Variants in ANO7 observed in about 807,000 individuals in gnomAD.
The protein encoded by ANO7 is anoctamin-7.
A neutral mutation model predicts 115.8 loss-of-function variants in ANO7; 114 were observed. That is an observed-to-expected ratio of 0.98 (90% CI 0.85 to 1.15). ANO7 has a LOEUF of 1.15. Among genes scored for constraint, ANO7 ranks in the 50% most tolerant of loss-of-function variants. ANO7 has a pLI of 0.00. For missense variants in ANO7, 1,302 were observed against 1,201.2 expected (o/e 1.08, Z -1.24); for synonymous variants, 550 against 498.2 (o/e 1.10, Z -1.38).
intron 4 of ANO7, 41 bp from the exon 5 acceptor site, chr2:241,199,275 C>T (rs1288664284): frequency 6.5e-7 from 1 of 1,530,410 alleles, no homozygotes; most frequent in Non-Finnish European, 9.1e-7. Flanking sequence ...TACGTGCACA[C>T]ATGCACCCTC....
the ANO7 span, among the ~76,000 whole-genome samples, chr2:241,238,986 C>A: frequency 6.6e-6 from 1 of 152,196 alleles, no homozygotes; most frequent in Non-Finnish European, 1.5e-5. The surrounding 1 kb of genome is among the most constrained non-coding windows in gnomAD (Gnocchi z 4.9). Context: ...TGGGCCTCCT[C>A]TGAAATGTGT....
In ANO7 at chr2:241,207,556, C is replaced by G; in HGVS notation, c.981-18C>G. 1 of 1,611,506 alleles carries G rather than the reference C, an allele frequency of 6.2e-7. No homozygotes were observed. Among genetic ancestry groups the G allele is most frequent in the Non-Finnish European group, 8.5e-7 (1 of 1,179,188 alleles). On this transcript the variant is annotated intron_variant, in intron 10 of 24. Coordinates refer to ENST00000674324, the MANE Select transcript of ANO7 (RefSeq NM_001370694.2). Reference sequence around the variant, plus strand: ...CCCTCCCCCATTAGCTCCCACCCCTCCGCTCCATGCCTTGCAGGCAGGAAC... The same window carrying G: ...CCCTCCCCCATTAGCTCCCACCCCTGCGCTCCATGCCTTGCAGGCAGGAAC...
chr2:241,240,107 T>G, the ANO7 span: 1 of 1,614,104 alleles, frequency 6.2e-7, no homozygotes, highest in African/African-American at 1.3e-5. This position sits in a 1 kb window ranked among gnomAD's most constrained non-coding sequence, Gnocchi z 5.5. Context: ...ATGTCAACAG[T>G]GAAACTCTTG....
intron 13 of ANO7, 28 bp downstream of exon 13, chr2:241,209,663 C>T (rs201571233): frequency 7.7e-4 from 1,163 of 1,512,182 alleles, no homozygotes; most frequent in Non-Finnish European, 9.5e-4. Flanking sequence ...CCTCCGCTCA[C>T]GCCTCCATCC....
intron 4 of ANO7, among the ~76,000 whole-genome samples, chr2:241,196,984 T>C (rs1282920357): frequency 1.3e-5 from 2 of 152,212 alleles, no homozygotes; most frequent in African/African-American, 4.8e-5. Flanking sequence ...ATTTCCACCA[T>C]CGGCAGTGGC....
intron 4 of ANO7, among the ~76,000 whole-genome samples, chr2:241,197,370 G>T (rs1434426556): frequency 2.0e-5 from 3 of 152,116 alleles, no homozygotes; most frequent in African/African-American, 7.2e-5. Context: ...AAAGCGCTGG[G>T]ATTACAGGCG....
chr2:241,223,289 CCTG>C lies in ANO7; in HGVS notation c.2412+17_2412+19del. On this transcript the variant is annotated intron_variant, in intron 22 of 24. Transcript: ENST00000674324. ...CATTGTGTTTGAGGTAGCCGAGGCACCTGCTGGTTCTCCCATCCATGGCATGAG... is the reference window on the plus strand; with the variant it reads ...CATTGTGTTTGAGGTAGCCGAGGCACCTGGTTCTCCCATCCATGGCATGAG... 1.9e-6 allele frequency: 3 copies of C among 1,614,138 alleles called. No homozygotes were observed. Among genetic ancestry groups the C allele is most frequent in the Non-Finnish European group, 2.5e-6 (3 of 1,179,934 alleles).
the ANO7 span, chr2:241,239,864 GC>G: frequency 1.2e-6 from 2 of 1,611,778 alleles, no homozygotes; most frequent in Admixed American, 3.3e-5. This position sits in a 1 kb window ranked among gnomAD's most constrained non-coding sequence, Gnocchi z 4.6. Flanking sequence ...CCCCATCACG[GC>G]CCCAGCAGAG....
intron 11 of ANO7, among the ~76,000 whole-genome samples, chr2:241,207,910 A>G (rs1259655841): frequency 6.6e-6 from 1 of 151,922 alleles, no homozygotes; most frequent in Admixed American, 6.6e-5. Flanking sequence ...ACTTGAGGAC[A>G]CCCCACACCA....
At chr2:241,195,311 C>T (rs1439480850) in intron 3 of ANO7, among the ~76,000 whole-genome samples, 1 of 152,166 alleles carries the variant, frequency 6.6e-6, no homozygotes, top group East Asian at 1.9e-4. Context: ...TCAGGGGCTT[C>T]GGAAACTTTC....
At chr2:241,226,875 CCCT>C (rs562042935), downstream of ANO7, among the ~76,000 whole-genome samples, 1 of 152,140 alleles carries the variant, frequency 6.6e-6, no homozygotes, top group South Asian at 2.1e-4. Flanking sequence ...CAACGCCCCT[CCCT>C]CCTCCTCCTC....
In ANO7 at chr2:241,216,137, A is replaced by G. The variant is rs777199514; in HGVS notation, c.1871A>G (p.Lys624Arg). The G allele has an allele frequency of 3.7e-6, 6 of 1,613,186 alleles. No homozygotes were observed. The Admixed American group carries it at 1.0e-4, about 27-fold the overall frequency. ...WWQKFRLRSK[K>R]RKAGASAGAS... is the part of the protein sequence containing the mutation. ...CAGAAGTTCCGGCTTCGCTCCAAGA[A>G]GAGGAAGGCGGGAGCTTCTGCAGGG... Residue 624 changes from lysine (K) to arginine (R), a missense_variant, in exon 19 of 25, where the codon AAG becomes AGG. Transcript: ENST00000674324.
chr2:241,214,337 C>T (rs2068775343), intron 17 of ANO7, among the ~76,000 whole-genome samples: 1 of 152,204 alleles, frequency 6.6e-6, no homozygotes, highest in South Asian at 2.1e-4. Context: ...TGCCTGTGTT[C>T]TCAGAAAGAT....
At position 241,206,183 on chromosome 2, in the gene ANO7, C is replaced by A. The variant is rs1456883142; in HGVS notation, c.980+1228C>A. 7.2e-5 allele frequency among the ~76,000 whole-genome samples: 2 copies of A among 27,930 alleles called. 1 individual carries two copies. Among genetic ancestry groups the A allele is most frequent in the Non-Finnish European group, 1.3e-4 (2 of 15,784 alleles). The allele number at this position is 27,930 out of a possible 152,430, so 18.3% of individuals were successfully genotyped here. ...CTGGGCAGGAATGCTCCCAGCCTGA[C>A]ACAGGTGGGCAGGAGTGCTCCCAGG... On this transcript the variant is annotated intron_variant, in intron 10 of 24. Transcript: ENST00000674324.
intron 10 of ANO7, among the ~76,000 whole-genome samples, chr2:241,206,645 G>GAC (rs1352141581): frequency 4.4e-5 from 2 of 45,250 alleles, no homozygotes; most frequent in Non-Finnish European, 8.3e-5. Flanking sequence ...CTCCCAGGCT[G>GAC]ACAGGTGGGC....
At chr2:241,201,766 G>A (rs954643137) in intron 7 of ANO7, among the ~76,000 whole-genome samples, 1 of 152,220 alleles carries the variant, frequency 6.6e-6, no homozygotes, top group East Asian at 1.9e-4. Flanking sequence ...ACCCAAGAGA[G>A]GCCCTGCTGA....
chr2:241,212,148 T>C lies in ANO7; in HGVS notation c.1616T>C (p.Ile539Thr). ...GACGCCTTCACCCTCAAGGTGTTCA[T>C]CTTCCAGTTCGTCAACTTCTACTCC... ...FEDAFTLKVF[I>T]FQFVNFYSSP... Residue 539 changes from isoleucine (I) to threonine (T), a missense_variant, in exon 16 of 25, where the codon ATC (isoleucine) becomes ACC (threonine). By Grantham distance (89) the Ile-to-Thr change is moderately conservative. Coordinates refer to ENST00000674324, the MANE Select transcript of ANO7 (RefSeq NM_001370694.2). The C allele has an allele frequency of 6.2e-7, 1 of 1,614,134 alleles. No individual in the cohort carries two copies. Among genetic ancestry groups the C allele is most frequent in the Non-Finnish European group, 8.5e-7 (1 of 1,180,000 alleles).
In ANO7 at chr2:241,210,550, C is replaced by T; in HGVS notation, c.1541C>T (p.Ala514Val). Residue 514 changes from alanine (A) to valine (V), a missense_variant, in exon 15 of 25, where the codon GCC (alanine) becomes GTC (valine). Ala to Val is a moderately conservative substitution (Grantham distance 64). Transcript: ENST00000674324. ...CTCTCCAAGATCTATGTATCCCTGG[C>T]CCACGTCCTGACACGATGGGGTGAG... ...LILSKIYVSLAHVLTRWEMHR... is the reference protein window; with the variant it reads ...LILSKIYVSLVHVLTRWEMHR... 6.2e-7 allele frequency: 1 copy of T among 1,613,862 alleles called. No individual in the cohort carries two copies. The highest frequency in any genetic ancestry group is 2.2e-5 in the East Asian group (1 of 44,880).
At chr2:241,232,805 ACTAT>A in the ANO7 span, among the ~76,000 whole-genome samples, 1 of 151,986 alleles carries the variant, frequency 6.6e-6, no homozygotes, top group African/African-American at 2.4e-5. Context: ...CAAGACAAAG[ACTAT>A]CTCTCTCAAA....
Sources: allele counts gnomAD v4.1 joint callset (sites outside exome capture counted in the v4.1 genomes callset), GRCh38; gene constraint gnomAD v4.1.1; non-coding constraint Gnocchi (gnomAD v3.1); transcripts MANE v1.5; gene names NCBI Gene and HGNC (gene_info 2026-07-23, HGNC 2026-07-21).